The following BTN2A2 variants were observed in gnomAD, a reference collection of about 807,000 sequenced individuals.
The protein encoded by BTN2A2 is butyrophilin 2.
Under a neutral mutation model 34.7 loss-of-function variants are expected in BTN2A2, and 29 were observed. The observed-to-expected ratio is 0.84, with a 90% CI of 0.62 to 1.14. The LOEUF (loss-of-function observed/expected upper bound fraction) is 1.14, where lower values mean the gene tolerates loss of function less well. Among genes scored for constraint, BTN2A2 ranks in the 50% most tolerant of loss-of-function variants. The probability of loss-of-function intolerance (pLI) is 0.00; values close to 1 mark genes in which losing one functional copy is unlikely to be tolerated. For synonymous variants in BTN2A2, 240 were observed against 253.1 expected (o/e 0.95, Z 0.49); for missense variants, 612 against 651.5 (o/e 0.94, Z 0.66).
Position 26,383,906 on chromosome 6 carries a change from C to G in BTN2A2, c.85C>G (p.Leu29Val). Residue 29 changes from leucine to valine, a missense_variant, in exon 2 of 8, where the codon CTG becomes GTG. Coordinates refer to ENST00000356709, the MANE Select transcript of BTN2A2 (RefSeq NM_006995.5). This position sits in a 1 kb window ranked among gnomAD's most constrained non-coding sequence, Gnocchi z 4.4. ...CCTCCTCCTTCTCAGCCTGTGTGCA[C>G]TGGTCTCAGGTAGGGATGTGTGTCA... ...LLLLLLSLCA[L>V]VSAQFTVVGP... 6.2e-7 allele frequency: 1 copy of G among 1,614,000 alleles called. No individual in the cohort carries two copies. Among genetic ancestry groups the G allele is most frequent in the Non-Finnish European group, 8.5e-7 (1 of 1,179,880 alleles).
In BTN2A2 at chr6:26,393,699, A is replaced by C. The variant is rs1045084999; in HGVS notation, c.*732A>C. The stretch of plus-strand genomic sequence containing the variant: ...TTGAGGTTTGAGGTCCTGGTCGAGC[A>C]GGGCAGTACTGGACCAGGTCTACGT... On this transcript the variant is annotated 3_prime_UTR_variant, in exon 8 of 8. Coordinates refer to ENST00000356709, the MANE Select transcript of BTN2A2 (RefSeq NM_006995.5). The C allele has an allele frequency of 3.0e-6, 3 of 990,512 alleles. No homozygotes were observed. The highest frequency in any genetic ancestry group is 1.1e-4 in the East Asian group (1 of 8,934). The allele number at this position is 990,512 out of a possible 1,614,324, so 61.4% of individuals were successfully genotyped here.
At chr6:26,388,891 G>A (rs938941584) in intron 4 of BTN2A2, among the ~76,000 whole-genome samples, 26 of 152,184 alleles carry the variant, frequency 1.7e-4, no homozygotes, top group Admixed American at 1.7e-3. Flanking sequence ...GGAGGCCAAG[G>A]TGGTTGGATC....
chr6:26,392,239 A>G, intron 7 of BTN2A2, 136 bp from the exon 8 acceptor site: 1 of 1,554,052 alleles, frequency 6.4e-7, no homozygotes, highest in Non-Finnish European at 8.7e-7. Context: ...GCTGCCTGGG[A>G]TCAGGGGACC....
Position 26,393,298 on chromosome 6 carries a change from C to A in BTN2A2, c.*331C>A, listed in dbSNP as rs1032838494. 2 of 1,304,694 alleles carry A rather than the reference C, an allele frequency of 1.5e-6. No individual in the cohort carries two copies. 80.8% of individuals were successfully genotyped at this position (1,304,694 alleles called of 1,614,324 possible). ...AAAATCAGGATAACCACATTAAGCCCAATATGCCAGTTGGCACCAGATGCT... is the reference window on the plus strand; with the variant it reads ...AAAATCAGGATAACCACATTAAGCCAAATATGCCAGTTGGCACCAGATGCT... On this transcript the variant is annotated 3_prime_UTR_variant, in exon 8 of 8. Coordinates refer to ENST00000356709, the MANE Select transcript of BTN2A2 (RefSeq NM_006995.5).
rs1761313088 is a variant in BTN2A2, at chr6:26,388,012, G to C, written c.443-1G>C. 1 of 1,609,178 alleles carries C rather than the reference G, an allele frequency of 6.2e-7. No homozygotes were observed. Among genetic ancestry groups the C allele is most frequent in the Non-Finnish European group, 8.5e-7 (1 of 1,176,370 alleles). Reference sequence around the variant, plus strand: ...GGCTGAGCCCTGGTCTCCCTTTCCAGGCCTTGGGTCTAAGCCCCTCATTGA... The same window carrying C: ...GGCTGAGCCCTGGTCTCCCTTTCCACGCCTTGGGTCTAAGCCCCTCATTGA... On this transcript the variant is annotated splice_acceptor_variant, in intron 3 of 7. Coordinates refer to ENST00000356709, the MANE Select transcript of BTN2A2 (RefSeq NM_006995.5). LOFTEE classifies it high-confidence loss of function.
At chr6:26,389,092 G>A (rs1015337354) in intron 4 of BTN2A2, among the ~76,000 whole-genome samples, 2 of 151,994 alleles carry the variant, frequency 1.3e-5, no homozygotes, top group Non-Finnish European at 2.9e-5. Context: ...TCCAGCCTGG[G>A]CAACAGAGTG....
At chr6:26,387,928 G>T (rs945645797) in intron 3 of BTN2A2, 85 bp from the exon 4 acceptor site, 2 of 1,415,926 alleles carry the variant, frequency 1.4e-6, no homozygotes, top group Non-Finnish European at 1.9e-6. Flanking sequence ...CCAAAACCAA[G>T]GGTCTTTCTA....
Position 26,384,929 on chromosome 6 carries a change from T to G in BTN2A2, c.95-86T>G. The G allele has an allele frequency of 6.0e-6, 8 of 1,325,408 alleles. No homozygotes were observed. The highest frequency in any genetic ancestry group is 3.8e-5 in the African/African-American group (2 of 52,542). The allele number at this position is 1,325,408 out of a possible 1,614,324, so 82.1% of individuals were successfully genotyped here. A position where few individuals can be genotyped will look rare whatever the true frequency, so the allele number is the denominator to read the frequency against. On this transcript the variant is annotated intron_variant, in intron 2 of 7. Transcript: ENST00000356709. This position sits in a 1 kb window ranked among gnomAD's most constrained non-coding sequence, Gnocchi z 4.0. ...CCTTTCATCCCTGGAGTTTTTTTTG[T>G]TTGTTTGTTTTTGTTTTTTGTTTTT...
At chr6:26,388,524 T>C (rs932058825) in intron 4 of BTN2A2, among the ~76,000 whole-genome samples, 1 of 152,180 alleles carries the variant, frequency 6.6e-6, no homozygotes, top group Non-Finnish European at 1.5e-5. Flanking sequence ...TGGTCTTTTT[T>C]TTCTTGATTA....
At chr6:26,392,143 T>C (rs1031945195) in intron 7 of BTN2A2, 10 of 1,357,422 alleles carry the variant, frequency 7.4e-6, no homozygotes, top group African/African-American at 1.5e-5. Flanking sequence ...CTGGATTTCA[T>C]AGAGCCACAA....
chr6:26,385,984 A>G (rs1042544623), intron 3 of BTN2A2, among the ~76,000 whole-genome samples: 2 of 152,246 alleles, frequency 1.3e-5, no homozygotes, highest in African/African-American at 4.8e-5. Context: ...GAAAGGAGAC[A>G]CTGTCAAAAA....
In BTN2A2 at chr6:26,393,859, G is replaced by T; in HGVS notation, c.*892G>T. The T allele has an allele frequency of 1.5e-6, 1 of 687,468 alleles. No individual in the cohort carries two copies. The highest frequency in any genetic ancestry group is 1.8e-6 in the Non-Finnish European group (1 of 557,788). The allele number at this position is 687,468 out of a possible 1,614,324, so 42.6% of individuals were successfully genotyped here. A position where few individuals can be genotyped will look rare whatever the true frequency, so the allele number is the denominator to read the frequency against. ...GTTAATATTTATGACATTTGACATT[G>T]AAACAAAAATTTAAAATGTTATCTT... On this transcript the variant is annotated 3_prime_UTR_variant, in exon 8 of 8. Coordinates refer to ENST00000356709, the MANE Select transcript of BTN2A2 (RefSeq NM_006995.5).
chr6:26,391,024 C>A, intron 7 of BTN2A2, 195 bp downstream of exon 7: 1 of 754,532 alleles, frequency 1.3e-6, no homozygotes, highest in Non-Finnish European at 2.2e-6. Context: ...TCTTAATGAA[C>A]CCTGCAGTTT....
In BTN2A2 at chr6:26,393,250, G is replaced by A. The variant is rs1268015432; in HGVS notation, c.*283G>A. The A allele has an allele frequency of 6.9e-7, 1 of 1,452,662 alleles. No homozygotes were observed. Among genetic ancestry groups the A allele is most frequent in the East Asian group, 2.6e-5 (1 of 38,596 alleles). 90.0% of individuals were successfully genotyped at this position (1,452,662 alleles called of 1,614,324 possible). A position where few individuals can be genotyped will look rare whatever the true frequency, so the allele number is the denominator to read the frequency against. ...AGTCAAAAAGAAAGTGAGAGAAGCT[G>A]TTGGGCAGCGAACCTACTGTTTAAA... is the stretch of plus-strand genomic sequence containing the variant. On this transcript the variant is annotated 3_prime_UTR_variant, in exon 8 of 8. Transcript: ENST00000356709.
In BTN2A2 at chr6:26,393,818, G is replaced by A; in HGVS notation, c.*851G>A. On this transcript the variant is annotated 3_prime_UTR_variant, in exon 8 of 8. Coordinates refer to ENST00000356709, the MANE Select transcript of BTN2A2 (RefSeq NM_006995.5). ...TAGAAGTTATTGAGGACTTTAAAGAGCTTTTGTTTATTTGGGTTAATATTT... is the reference window on the plus strand; with the variant it reads ...TAGAAGTTATTGAGGACTTTAAAGAACTTTTGTTTATTTGGGTTAATATTT... The A allele has an allele frequency of 1.1e-6, 1 of 949,184 alleles. No homozygotes were observed. The highest frequency in any genetic ancestry group is 1.3e-6 in the Non-Finnish European group (1 of 796,888). The allele number at this position is 949,184 out of a possible 1,614,324, so 58.8% of individuals were successfully genotyped here.
rs532953478 is a variant in BTN2A2 at position 26,393,118 on chromosome 6, T to C, written c.*151T>C. On this transcript the variant is annotated 3_prime_UTR_variant, in exon 8 of 8. Transcript: ENST00000356709. ...GCCTTTTTCACACCCACTCCAGCCC[T>C]CTGCCCCAGTTTTCTCCTCCTCACT... 1.4e-5 allele frequency: 22 copies of C among 1,607,696 alleles called. No homozygotes were observed. The East Asian group carries it at 4.7e-4, about 34-fold the overall frequency.
At position 26,388,173 on chromosome 6, in the gene BTN2A2, T is replaced by G. The variant is rs1761329717; in HGVS notation, c.603T>G (p.Ala201=). Residue 201 remains alanine (A), a synonymous_variant, in exon 4 of 8, where the codon GCT becomes GCG. Coordinates refer to ENST00000356709, the MANE Select transcript of BTN2A2 (RefSeq NM_006995.5). ...PALKEVSIAD[A]DGLFMVTTAV... ...TGAAGGAGGTTTCCATCGCTGATGC[T>G]GACGGCCTCTTCATGGTCACCACAG... is the stretch of plus-strand genomic sequence containing the variant. 1 of 1,614,224 alleles carries G rather than the reference T, an allele frequency of 6.2e-7. No individual in the cohort carries two copies. Among genetic ancestry groups the G allele is most frequent in the Non-Finnish European group, 8.5e-7 (1 of 1,180,036 alleles).
Position 26,385,015 on chromosome 6 carries a change from C to T in BTN2A2, c.95C>T (p.Ala32Val). 4 of 1,613,262 alleles carry T rather than the reference C, an allele frequency of 2.5e-6. 1 individual carries two copies. In the South Asian group the frequency reaches 4.4e-5, roughly 18 times the overall value. ...LLLSLCALVS[A>V]QFTVVGPANP... ...GTCTGATTCTGCCCTTGTTGAACAG[C>T]CCAGTTTACTGTCGTGGGGCCAGCT... Residue 32 changes from alanine (A) to valine (V), a missense_variant and splice_region_variant, in exon 3 of 8, where the codon GCC (alanine) becomes GTC (valine). By Grantham distance (64) the Ala-to-Val change is moderately conservative. Transcript: ENST00000356709.
rs1361860797 is a variant in BTN2A2 at position 26,392,637 on chromosome 6, G to A, written c.1242G>A (p.Gln414=). The change falls in exon 8 of 8, where the codon CAG becomes CAA. Residue 414 remains glutamine, a synonymous_variant. Coordinates refer to ENST00000356709, the MANE Select transcript of BTN2A2 (RefSeq NM_006995.5). ...ERKGEVLLIP[Q]NGFWTLEMFG... ...AAGGGGAGGTCCTGCTGATTCCTCAGAATGGCTTCTGGACCCTGGAGATGT... is the reference window on the plus strand; with the variant it reads ...AAGGGGAGGTCCTGCTGATTCCTCAAAATGGCTTCTGGACCCTGGAGATGT... 1 of 1,614,122 alleles carries A rather than the reference G, an allele frequency of 6.2e-7. No individual in the cohort carries two copies. Among genetic ancestry groups the A allele is most frequent in the Non-Finnish European group, 8.5e-7 (1 of 1,180,054 alleles).
Sources: allele counts gnomAD v4.1 joint callset (sites outside exome capture counted in the v4.1 genomes callset), GRCh38; gene constraint gnomAD v4.1.1; non-coding constraint Gnocchi (gnomAD v3.1); transcripts MANE v1.5; gene names NCBI Gene and HGNC (gene_info 2026-07-23, HGNC 2026-07-21).